SRSF11: variants seen among roughly 807,000 people sequenced by gnomAD.
SRSF11 encodes serine/arginine-rich splicing factor 11.
In SRSF11, 9 loss-of-function variants were observed where a neutral mutation model predicts 56.0. That is an observed-to-expected ratio of 0.16 (90% CI 0.10 to 0.28). The LOEUF (loss-of-function observed/expected upper bound fraction) is 0.28. SRSF11 is among the 10% of genes least tolerant of loss of function. SRSF11 has a pLI of 1.00. For missense variants in SRSF11, 421 were observed against 600.7 expected, an observed-to-expected ratio of 0.70 and a Z score of 3.13; for synonymous variants, 222 against 215.3, an observed-to-expected ratio of 1.03 and a Z score of -0.27.
rs1672996744 is a variant in SRSF11, at chr1:70,232,382, T to C, written c.447+5T>C. On this transcript the variant is annotated splice_donor_5th_base_variant and intron_variant, in intron 3 of 11. Coordinates refer to ENST00000370949, the MANE Select transcript of SRSF11 (RefSeq NM_001350605.2). ...ACTCCTAACCCACTTACCCAGGTAC[T>C]AGTTCTATTGAATTCTTAAAGGGTG... The C allele has an allele frequency of 1.2e-6, 2 of 1,604,748 alleles. No individual in the cohort carries two copies. Among genetic ancestry groups the C allele is most frequent in the African/African-American group, 1.3e-5 (1 of 74,478 alleles).
At chr1:70,249,912 AC>A in intron 9 of SRSF11, 39 bp from the exon 10 acceptor site, 1 of 1,587,896 alleles carries the variant, frequency 6.3e-7, no homozygotes, top group East Asian at 2.2e-5. Context: ...TTAAGATCAC[AC>A]TGTATTTTAA....
rs1255800453 is a variant in SRSF11, at chr1:70,252,612, AG to A, written c.*1808del. 4 of 152,154 alleles carry A rather than the reference AG, an allele frequency of 2.6e-5. No homozygotes were observed. The highest frequency in any genetic ancestry group is 5.9e-5 in the Non-Finnish European group (4 of 68,018). 9.4% of individuals were successfully genotyped at this position (152,154 alleles called of 1,614,324 possible). A position where few individuals can be genotyped will look rare whatever the true frequency, so the allele number is the denominator to read the frequency against. ...AGAATTGTCTATAGTGAGTAAAAGA[AG>A]TTCTAATAATGGTCCTAATCACTGC... On this transcript the variant is annotated 3_prime_UTR_variant, in exon 12 of 12. Coordinates refer to ENST00000370949, the MANE Select transcript of SRSF11 (RefSeq NM_001350605.2).
At chr1:70,210,654 G>A (rs1297641904) in intron 1 of SRSF11, among the ~76,000 whole-genome samples, 2 of 152,178 alleles carry the variant, frequency 1.3e-5, no homozygotes, top group Non-Finnish European at 2.9e-5. Context: ...GGCCGAGGTT[G>A]CAATGAGCTA....
intron 9 of SRSF11, chr1:70,247,254 G>A (rs1676967701): frequency 3.3e-6 from 1 of 307,594 alleles, no homozygotes; most frequent in Non-Finnish European, 4.8e-6. Context: ...CTGCATGTTA[G>A]TACTTGAGAA....
chr1:70,240,995 C>T (rs1218434911), intron 7 of SRSF11, among the ~76,000 whole-genome samples: 1 of 152,076 alleles, frequency 6.6e-6, no homozygotes, highest in Non-Finnish European at 1.5e-5. Context: ...TCATCTCAAA[C>T]CCGCGACCTC....
upstream of SRSF11, chr1:70,221,085 G>C (rs1012403213): frequency 3.3e-5 from 5 of 152,856 alleles, no homozygotes; most frequent in African/African-American, 1.2e-4. Context: ...ATGATTATCA[G>C]TATATAAAGA....
intron 1 of SRSF11, among the ~76,000 whole-genome samples, chr1:70,228,111 A>G (rs1672211979): frequency 1.3e-5 from 2 of 152,208 alleles, no homozygotes; most frequent in African/African-American, 4.8e-5. Flanking sequence ...AATAGCTGGT[A>G]TTGGTATTAT....
At chr1:70,223,335 G>T (rs1671061462) in intron 1 of SRSF11, among the ~76,000 whole-genome samples, 1 of 152,186 alleles carries the variant, frequency 6.6e-6, no homozygotes, top group Admixed American at 6.5e-5. Context: ...GCAGTTTTAT[G>T]ATGCATTTAG....
chr1:70,229,514 T>C (rs760121479), intron 2 of SRSF11: 18 of 985,038 alleles, frequency 1.8e-5, no homozygotes, highest in Admixed American at 6.1e-5. Context: ...AATGTACTGC[T>C]ACTTGATTTG....
chr1:70,242,472 C>CTTTTTTTT (rs377434872), intron 7 of SRSF11, among the ~76,000 whole-genome samples: 1 of 139,392 alleles, frequency 7.2e-6, no homozygotes, highest in Middle Eastern at 3.4e-3. Flanking sequence ...ATTTTTGCAC[C>CTTTTTTTT]TTTTTTTTTT....
intron 7 of SRSF11, among the ~76,000 whole-genome samples, chr1:70,239,958 ATT>A (rs1298504695): frequency 6.6e-6 from 1 of 152,212 alleles, no homozygotes; most frequent in Non-Finnish European, 1.5e-5. Flanking sequence ...GATTTTTATC[ATT>A]GGCAACAGAT....
At chr1:70,216,434 CTTTT>C (rs71921219), upstream of SRSF11, among the ~76,000 whole-genome samples, 2 of 141,576 alleles carry the variant, frequency 1.4e-5, no homozygotes, top group African/African-American at 2.6e-5. Flanking sequence ...GGTTATTTAA[CTTTT>C]TTTTTTTTTT....
Position 70,234,792 on chromosome 1 carries a change from T to C in SRSF11, c.540+4T>C, listed in dbSNP as rs759809543. The C allele has an allele frequency of 6.3e-6, 10 of 1,592,032 alleles. No individual in the cohort carries two copies. The East Asian group carries it at 2.0e-4, about 32-fold the overall frequency. On this transcript the variant is annotated splice_donor_region_variant and intron_variant, in intron 4 of 11. Coordinates refer to ENST00000370949, the MANE Select transcript of SRSF11 (RefSeq NM_001350605.2). Reference sequence around the variant, plus strand: ...TGGAGCAAACTTGAACTCTCAGGTATACCTTAGTAACTTCAAATTTTTCAC... The same window carrying C: ...TGGAGCAAACTTGAACTCTCAGGTACACCTTAGTAACTTCAAATTTTTCAC...
chr1:70,221,361 G>A (rs935415491), upstream of SRSF11: 1 of 465,220 alleles, frequency 2.1e-6, no homozygotes, highest in Non-Finnish European at 3.8e-6. Context: ...GCAAAGCATT[G>A]TGGGAGCTCG....
rs1676346347 is a variant in SRSF11 at position 70,244,734 on chromosome 1, G to A, written c.851G>A (p.Arg284Gln). 3.1e-6 allele frequency: 5 copies of A among 1,614,120 alleles called. No individual in the cohort carries two copies. Among genetic ancestry groups the A allele is most frequent in the East Asian group, 2.2e-5 (1 of 44,890 alleles). Residue 284 changes from arginine to glutamine, a missense_variant, in exon 8 of 12, where the codon CGG (arginine) becomes CAG (glutamine). Coordinates refer to ENST00000370949, the MANE Select transcript of SRSF11 (RefSeq NM_001350605.2). Reference protein sequence around the residue: ...RRRSHSKSRSRRRSKSPRRRR... With the variant: ...RRRSHSKSRSQRRSKSPRRRR... ...CGGTCACATTCTAAGTCTAGGAGTCGGCGACGATCCAAAAGCCCAAGGCGG... is the reference window on the plus strand; with the variant it reads ...CGGTCACATTCTAAGTCTAGGAGTCAGCGACGATCCAAAAGCCCAAGGCGG...
intron 3 of SRSF11, among the ~76,000 whole-genome samples, chr1:70,232,680 A>G (rs1257160271): frequency 2.0e-5 from 3 of 152,196 alleles, no homozygotes; most frequent in African/African-American, 7.2e-5. Context: ...TTAAAAATAT[A>G]TTCATTTGGA....
chr1:70,216,667 A>G (rs1363341225), upstream of SRSF11, among the ~76,000 whole-genome samples: 1 of 152,066 alleles, frequency 6.6e-6, no homozygotes, highest in Non-Finnish European at 1.5e-5. Context: ...AACTGGGCTC[A>G]AGCAATCCAC....
intron 6 of SRSF11, 106 bp from the exon 7 acceptor site, chr1:70,239,333 G>A (rs1198987196): frequency 2.8e-6 from 2 of 712,662 alleles, no homozygotes; most frequent in Non-Finnish European, 4.7e-6. Context: ...CTGAAGTGTT[G>A]CTCCCACTTC....
chr1:70,250,316 T>G, intron 10 of SRSF11, 49 bp from the exon 11 acceptor site: 1 of 1,596,438 alleles, frequency 6.3e-7, no homozygotes, highest in Non-Finnish European at 8.5e-7. Context: ...GTCAGGCTCA[T>G]CATCTAAACA....
Sources: allele counts gnomAD v4.1 joint callset (sites outside exome capture counted in the v4.1 genomes callset), GRCh38; gene constraint gnomAD v4.1.1; transcripts MANE v1.5; gene names NCBI Gene and HGNC (gene_info 2026-07-23, HGNC 2026-07-21).